Variants in PHIP observed in about 807,000 individuals in gnomAD.
PHIP encodes the protein PH-interacting protein.
A neutral mutation model predicts 236.8 loss-of-function variants in PHIP; 54 were observed. The ratio of observed to expected loss-of-function variants is 0.23; its 90% CI spans 0.18 to 0.29. The LOEUF (loss-of-function observed/expected upper bound fraction) is 0.29. Ranked by LOEUF, PHIP falls within the 10% of genes least tolerant of loss-of-function variation. The pLI is 1.00. For missense variants in PHIP, 1,370 were observed against 2,190.8 expected, an observed-to-expected ratio of 0.63 and a Z score of 7.48; for synonymous variants, 756 against 718.9, an observed-to-expected ratio of 1.05 and a Z score of -0.83.
rs202098577 is a variant in PHIP, at chr6:78,946,124, C to T, written c.4507G>A (p.Val1503Met). 4 of 1,614,050 alleles carry T rather than the reference C, an allele frequency of 2.5e-6. No homozygotes were observed. The highest frequency in any genetic ancestry group is 3.4e-6 in the Non-Finnish European group (4 of 1,179,940). The change falls in exon 38 of 40, where the codon GTG becomes ATG. Residue 1503 changes from valine to methionine, a missense_variant. Physicochemically the swap from Val to Met is conservative, Grantham distance 21 (BLOSUM62 1). This residue lies in a region of PHIP where 309 missense variants were observed against 328.3 expected (regional missense o/e 0.94). Coordinates refer to ENST00000275034, the MANE Select transcript of PHIP (RefSeq NM_017934.7). Reference sequence around the variant, plus strand: ...ACTCGGTTGCTTCTGGTTCGAACCACAGAACTAGATTCTGTTTTACCGTTT... The same window carrying T: ...ACTCGGTTGCTTCTGGTTCGAACCATAGAACTAGATTCTGTTTTACCGTTT... ...QINGKTESSS[V>M]VRTRSNRVVV...
chr6:79,059,591 T>TTATATATATATATATA lies in PHIP; in HGVS notation c.439+871_439+886dup, dbSNP rs72226338. ...AGGAAACAAAAAGTTGAAAGCAAAA[T>TTATATATATATATATA]TATATATATATATATATATATATAT... On this transcript the variant is annotated intron_variant, in intron 6 of 39. Coordinates refer to ENST00000275034, the MANE Select transcript of PHIP (RefSeq NM_017934.7). Among the ~76,000 whole-genome samples the TTATATATATATATATA allele has an allele frequency of 4.3e-3, 364 of 84,500 alleles. 1 individual carries two copies. The highest frequency in any genetic ancestry group is 6.4e-3 in the African/African-American group (135 of 21,054). 55.4% of individuals were successfully genotyped at this position (84,500 alleles called of 152,430 possible).
rs1490584720 is a variant in PHIP at position 78,940,083 on chromosome 6, C to A, written c.*610G>T. 2.6e-5 allele frequency: 4 copies of A among 151,994 alleles called. No individual in the cohort carries two copies. The highest frequency in any genetic ancestry group is 4.4e-5 in the Non-Finnish European group (3 of 67,834). 9.4% of individuals were successfully genotyped at this position (151,994 alleles called of 1,614,324 possible). On this transcript the variant is annotated 3_prime_UTR_variant, in exon 40 of 40. Transcript: ENST00000275034. The stretch of plus-strand genomic sequence containing the variant: ...CATCAGTACATTTTCTCTTGTTTGG[C>A]AGAAATGGAATAAAGCAAAAGCCTC...
At chr6:78,980,432 ATAAT>A (rs1454865736) in intron 23 of PHIP, among the ~76,000 whole-genome samples, 2 of 152,022 alleles carry the variant, frequency 1.3e-5, no homozygotes, top group South Asian at 2.1e-4. Context: ...AATCCATTAG[ATAAT>A]TAATTCCCTG....
rs144472004 is a variant in PHIP, at chr6:79,053,106, G to A, written c.439+7372C>T. On this transcript the variant is annotated intron_variant, in intron 6 of 39. Coordinates refer to ENST00000275034, the MANE Select transcript of PHIP (RefSeq NM_017934.7). ...ACCGAGGTGGATCACTTGAGGTCAC[G>A]AGTTCGAGACCAGCCTGGCCAACAT... Among the ~76,000 whole-genome samples, 919 of 152,186 alleles carry A rather than the reference G, an allele frequency of 6.0e-3. 6 individuals carry two copies. The highest frequency in any genetic ancestry group is 0.02 in the African/African-American group (835 of 41,520).
intron 6 of PHIP, among the ~76,000 whole-genome samples, chr6:79,053,831 C>G (rs1772924926): frequency 1.3e-5 from 2 of 152,164 alleles, no homozygotes; most frequent in African/African-American, 4.8e-5. Context: ...CTAATTACTA[C>G]TGGAATTGCT....
chr6:78,941,345 C>G lies in PHIP; in HGVS notation c.4829-15G>C. The G allele has an allele frequency of 6.3e-7, 1 of 1,590,218 alleles. No homozygotes were observed. The stretch of plus-strand genomic sequence containing the variant: ...CTTACAATCTCCTAAAAGGGAACAA[C>G]AGTACACTTAATATATGGAGTTTCT... On this transcript the variant is annotated splice_polypyrimidine_tract_variant and intron_variant, in intron 39 of 39. Coordinates refer to ENST00000275034, the MANE Select transcript of PHIP (RefSeq NM_017934.7).
intron 7 of PHIP, among the ~76,000 whole-genome samples, chr6:79,030,305 A>G (rs969249671): frequency 6.6e-6 from 1 of 152,230 alleles, no homozygotes; most frequent in Non-Finnish European, 1.5e-5. Flanking sequence ...AAATTTAAAT[A>G]GCATGATGTT....
chr6:79,061,333 C>T (rs1413476337), intron 4 of PHIP, among the ~76,000 whole-genome samples: 1 of 152,122 alleles, frequency 6.6e-6, no homozygotes, highest in Admixed American at 6.5e-5. Flanking sequence ...TCTAGTTCAG[C>T]TATTCTCAAA....
In PHIP at chr6:79,076,228, C is replaced by T. The variant is rs142845897; in HGVS notation, c.189+1220G>A. 2.4e-3 allele frequency among the ~76,000 whole-genome samples: 359 copies of T among 152,244 alleles called. 1 individual carries two copies. The highest frequency in any genetic ancestry group is 8.3e-3 in the African/African-American group (344 of 41,550). On this transcript the variant is annotated intron_variant, in intron 4 of 39. Transcript: ENST00000275034. ...AATACACTACATACCAAAAAAAGCG[C>T]CATTATAATCATGTCCTGCTTTCAC...
At chr6:79,060,889 TA>T in intron 4 of PHIP, 71 bp from the exon 5 acceptor site, 4 of 1,051,090 alleles carry the variant, frequency 3.8e-6, no homozygotes, top group East Asian at 2.5e-5. Context: ...TGAGCAACAA[TA>T]AAAAAATTCA....
At chr6:78,994,037 A>G (rs1228016579) in intron 19 of PHIP, among the ~76,000 whole-genome samples, 2 of 152,160 alleles carry the variant, frequency 1.3e-5, no homozygotes, top group Non-Finnish European at 2.9e-5. Flanking sequence ...GCTGATTCCA[A>G]CCCTCATAGA....
chr6:79,020,284 C>T (rs1396813559), intron 9 of PHIP, among the ~76,000 whole-genome samples: 1 of 151,940 alleles, frequency 6.6e-6, no homozygotes, highest in African/African-American at 2.4e-5. Flanking sequence ...CAGAATGCAA[C>T]AAAATGTTAA....
At chr6:79,020,312 TTGTA>T (rs1291242041) in intron 9 of PHIP, among the ~76,000 whole-genome samples, 1 of 152,194 alleles carries the variant, frequency 6.6e-6, no homozygotes, top group African/African-American at 2.4e-5. Flanking sequence ...AAAAATAAGT[TTGTA>T]AATAGTTTTA....
chr6:79,015,519 C>G, intron 14 of PHIP, 111 bp downstream of exon 14: 1 of 818,644 alleles, frequency 1.2e-6, no homozygotes, highest in Non-Finnish European at 1.9e-6. Flanking sequence ...AGCCGTTACC[C>G]CAGCAAGCAA....
intron 31 of PHIP, among the ~76,000 whole-genome samples, chr6:78,959,664 A>C (rs1258693494): frequency 6.6e-6 from 1 of 152,146 alleles, no homozygotes; most frequent in Admixed American, 6.6e-5. Flanking sequence ...AACAGAGTTT[A>C]TTATCAGGTT....
intron 6 of PHIP, among the ~76,000 whole-genome samples, chr6:79,044,191 C>T (rs998147819): frequency 1.3e-5 from 2 of 151,962 alleles, no homozygotes; most frequent in Non-Finnish European, 2.9e-5. Context: ...AATAATTACA[C>T]TATGCTTATA....
At chr6:79,072,035 A>C (rs1243816216) in intron 4 of PHIP, among the ~76,000 whole-genome samples, 1 of 152,182 alleles carries the variant, frequency 6.6e-6, no homozygotes, top group African/African-American at 2.4e-5. Context: ...ATTTTACCTA[A>C]AGCTAAAGTC....
At position 79,002,004 on chromosome 6, in the gene PHIP, C is replaced by A. The variant is rs1440458379; in HGVS notation, c.1774G>T (p.Asp592Tyr). 6.2e-7 allele frequency: 1 copy of A among 1,613,068 alleles called. No individual in the cohort carries two copies. Among genetic ancestry groups the A allele is most frequent in the Non-Finnish European group, 8.5e-7 (1 of 1,179,402 alleles). Residue 592 changes from aspartate to tyrosine, a missense_variant, in exon 17 of 40, where the codon GAT (aspartate) becomes TAT (tyrosine). By Grantham distance (160) the Asp-to-Tyr change is radical. Transcript: ENST00000275034. ...GATGGATGAGGGTTACCATCAACAT[C>A]AACCAAAAAAGGGGGAGGCATAAGA... ...PHLMPPPFLV[D>Y]VDGNPHPSRY...
At chr6:79,022,303 C>A (rs1231539537) in intron 9 of PHIP, among the ~76,000 whole-genome samples, 3 of 152,130 alleles carry the variant, frequency 2.0e-5, no homozygotes, top group African/African-American at 7.2e-5. Context: ...AGTACAATGT[C>A]CAATATGCTC....
Sources: allele counts gnomAD v4.1 joint callset (sites outside exome capture counted in the v4.1 genomes callset), GRCh38; gene constraint gnomAD v4.1.1; regional missense constraint gnomAD v4.1.1; transcripts MANE v1.5; gene names NCBI Gene and HGNC (gene_info 2026-07-23, HGNC 2026-07-21).